Variants in COBLL1 observed in about 807,000 individuals in gnomAD.
COBLL1 encodes cordon-bleu WH2 repeat protein like 1, also known as cordon-bleu protein-like 1.
In COBLL1, 50 loss-of-function variants were observed where a neutral mutation model predicts 94.8. The observed-to-expected ratio is 0.53, with a 90% CI of 0.42 to 0.67. The LOEUF is 0.67. Ranked by LOEUF, COBLL1 falls within the 30% of genes least tolerant of loss-of-function variation. The probability of loss-of-function intolerance (pLI) is 0.00; values close to 1 mark genes in which losing one functional copy is unlikely to be tolerated. For missense variants in COBLL1, 1,362 were observed against 1,348.7 expected (o/e 1.01, Z -0.15); for synonymous variants, 448 against 473.8 (o/e 0.95, Z 0.71).
chr2:164,696,575 G>C (rs987380395), intron 11 of COBLL1: 1 of 152,154 alleles, frequency 6.6e-6, no homozygotes, highest in African/African-American at 2.4e-5. Flanking sequence ...TCTACAGTCA[G>C]AGTCAAAATC....
At chr2:164,664,285 G>T (rs1369793305) in intron 2 of COBLL1, among the ~76,000 whole-genome samples, 1 of 152,144 alleles carries the variant, frequency 6.6e-6, no homozygotes, top group Admixed American at 6.5e-5. Context: ...TCATCCCATG[G>T]TGTTACATTA....
In COBLL1 at chr2:164,694,590, A is replaced by G; in HGVS notation, c.2802T>C (p.Thr934=). The part of the protein sequence containing the change: ...HSVPQPLVEK[T]DDDVIGQAPA... ...GAGCCTGACCGATGACATCATCATC[A>G]GTTTTTTCAACAAGGGGTTGTGGAA... Residue 934 remains threonine (T), a synonymous_variant, in exon 12 of 14, where the codon ACT becomes ACC. Coordinates refer to ENST00000652658, the MANE Select transcript of COBLL1 (RefSeq NM_001365672.2). The G allele has an allele frequency of 6.2e-7, 1 of 1,613,926 alleles. No individual in the cohort carries two copies. The highest frequency in any genetic ancestry group is 8.5e-7 in the Non-Finnish European group (1 of 1,179,932).
chr2:164,722,123 C>G lies in COBLL1; in HGVS notation c.948G>C (p.Arg316Ser). The G allele has an allele frequency of 6.2e-7, 1 of 1,613,476 alleles. No individual in the cohort carries two copies. The highest frequency in any genetic ancestry group is 8.5e-7 in the Non-Finnish European group (1 of 1,179,668). ...VPQDLAHIQE[R>S]PASCIVKSMS... ...TGGATTTCACTATACAAGAAGCAGG[C>G]CTCTCCTGGATGTGTGCAAGGTCTT... The change falls in exon 7 of 14, where the codon AGG becomes AGC. Residue 316 changes from arginine (R) to serine (S), a missense_variant. Arg to Ser is a moderately radical substitution (Grantham distance 110, BLOSUM62 -1). Coordinates refer to ENST00000652658, the MANE Select transcript of COBLL1 (RefSeq NM_001365672.2).
At chr2:164,805,408 G>A (rs1574622895) in intron 2 of COBLL1, among the ~76,000 whole-genome samples, 1 of 122,096 alleles carries the variant, frequency 8.2e-6, no homozygotes, top group South Asian at 2.8e-4. Context: ...CTTTTTTATT[G>A]GTTTTGAAAA....
rs143118834 is a variant in COBLL1 at position 164,775,654 on chromosome 2, G to T, written c.42-31779C>A. Reference sequence around the variant, plus strand: ...ATTTTTGTATTTTTAGTAGAGACAGGGTTTCACCATGTTGGCCTCGAACTC... The same window carrying T: ...ATTTTTGTATTTTTAGTAGAGACAGTGTTTCACCATGTTGGCCTCGAACTC... On this transcript the variant is annotated intron_variant, in intron 2 of 13. Transcript: ENST00000652658. Among the ~76,000 whole-genome samples the T allele has an allele frequency of 5.2e-3, 788 of 152,058 alleles. 12 individuals are homozygous for T. The highest frequency in any genetic ancestry group is 0.018 in the African/African-American group (727 of 41,468).
At chr2:164,702,572 A>ATAATAAT (rs1553469780) in intron 9 of COBLL1, among the ~76,000 whole-genome samples, 17 of 144,550 alleles carry the variant, frequency 1.2e-4, no homozygotes, top group African/African-American at 4.6e-4. Flanking sequence ...AAAAAAAAAA[A>ATAATAAT]AAAAATAATA....
chr2:164,666,328 T>C (rs1295956283), intron 1 of COBLL1, among the ~76,000 whole-genome samples: 1 of 152,130 alleles, frequency 6.6e-6, no homozygotes, highest in African/African-American at 2.4e-5. Context: ...TAACATTATG[T>C]CTAAAAAACA....
At chr2:164,792,990 T>C (rs1325143563) in intron 2 of COBLL1, among the ~76,000 whole-genome samples, 9 of 152,098 alleles carry the variant, frequency 5.9e-5, no homozygotes, top group Admixed American at 3.3e-4. Context: ...CAAAACTCCA[T>C]TCAACTCCCA....
intron 7 of COBLL1, among the ~76,000 whole-genome samples, chr2:164,714,575 T>C (rs997560172): frequency 1.3e-5 from 2 of 152,014 alleles, no homozygotes; most frequent in Non-Finnish European, 2.9e-5. Flanking sequence ...CTACAGTCAA[T>C]CAAACAAACT....
At chr2:164,764,262 A>C (rs1351757519) in intron 2 of COBLL1, among the ~76,000 whole-genome samples, 1 of 152,214 alleles carries the variant, frequency 6.6e-6, no homozygotes, top group Non-Finnish European at 1.5e-5. Flanking sequence ...TAAAAATTTT[A>C]AAACTGTAAC....
chr2:164,769,278 C>T (rs933186151), intron 2 of COBLL1, among the ~76,000 whole-genome samples: 1 of 152,136 alleles, frequency 6.6e-6, no homozygotes, highest in Non-Finnish European at 1.5e-5. Flanking sequence ...AGAACCTGCA[C>T]AAAGAATAAA....
At position 164,682,239 on chromosome 2, in the gene COBLL1, C is replaced by T. The variant is rs1003384764; in HGVS notation, c.*3707G>A. On this transcript the variant is annotated 3_prime_UTR_variant, in exon 14 of 14. Coordinates refer to ENST00000652658, the MANE Select transcript of COBLL1 (RefSeq NM_001365672.2). ...AGCAAATAAATAGGAGATATTTTTA[C>T]ATCTAAAACCTCAGAAATCACTTTG... is the stretch of plus-strand genomic sequence containing the variant. 2 of 152,150 alleles carry T rather than the reference C, an allele frequency of 1.3e-5. No homozygotes were observed. Among genetic ancestry groups the T allele is most frequent in the Non-Finnish European group, 1.5e-5 (1 of 68,036 alleles). 9.4% of individuals were successfully genotyped at this position (152,150 alleles called of 1,614,324 possible). A position where few individuals can be genotyped will look rare whatever the true frequency, so the allele number is the denominator to read the frequency against.
intron 1 of COBLL1, among the ~76,000 whole-genome samples, chr2:164,674,084 C>T (rs1691295912): frequency 6.6e-6 from 1 of 152,030 alleles, no homozygotes; most frequent in South Asian, 2.1e-4. Context: ...TGTTTTCAGA[C>T]AGAGGCTTGT....
At chr2:164,718,604 G>A (rs1325447827) in intron 7 of COBLL1, among the ~76,000 whole-genome samples, 5 of 152,164 alleles carry the variant, frequency 3.3e-5, no homozygotes, top group Non-Finnish European at 7.3e-5. Flanking sequence ...GATAGGGAAG[G>A]AGAATTTTTA....
intron 3 of COBLL1, among the ~76,000 whole-genome samples, chr2:164,731,975 A>C (rs979888121): frequency 2.0e-5 from 3 of 152,090 alleles, no homozygotes; most frequent in Non-Finnish European, 4.4e-5. Context: ...AAGTCAAACA[A>C]CACGTTACAT....
At chr2:164,744,579 C>T (rs1045846567) in intron 2 of COBLL1, among the ~76,000 whole-genome samples, 3 of 152,062 alleles carry the variant, frequency 2.0e-5, no homozygotes, top group Non-Finnish European at 2.9e-5. Context: ...TCCAGTTACT[C>T]GGCAGACAGG....
chr2:164,728,547 T>C (rs1380380868), intron 4 of COBLL1, among the ~76,000 whole-genome samples: 3 of 152,068 alleles, frequency 2.0e-5, no homozygotes, highest in African/African-American at 7.2e-5. Flanking sequence ...TACAAAATTA[T>C]GTATATTTTA....
At chr2:164,708,877 C>T (rs72876800) in intron 7 of COBLL1, among the ~76,000 whole-genome samples, 2,099 of 152,296 alleles carry the variant, frequency 0.014, 21 homozygotes, top group Non-Finnish European at 0.022. Context: ...ATGTGTTCAC[C>T]TTTAGGTCAC....
At chr2:164,838,476 T>G (rs1439663794) in intron 2 of COBLL1, among the ~76,000 whole-genome samples, 1 of 152,148 alleles carries the variant, frequency 6.6e-6, no homozygotes, top group African/African-American at 2.4e-5. Context: ...GAGTTAATGG[T>G]TAAATATAAG....
Sources: gnomAD v4.1 joint callset for allele counts (sites outside exome capture counted in the v4.1 genomes callset) on GRCh38, gnomAD v4.1.1 for gene constraint, MANE v1.5 for transcripts, NCBI Gene and HGNC (gene_info 2026-07-23, HGNC 2026-07-21) for gene names.